The following CCPG1 variants were observed in gnomAD, a reference collection of about 807,000 sequenced individuals.
The protein encoded by CCPG1 is cell cycle progression 1, also known as cell cycle progression protein 1.
A neutral mutation model predicts 81.3 loss-of-function variants in CCPG1; 46 were observed. That is an observed-to-expected ratio of 0.57 (90% CI 0.45 to 0.72). CCPG1 has a LOEUF of 0.72. Ranked by LOEUF, CCPG1 falls within the 30% of genes least tolerant of loss-of-function variation. The pLI, the probability that CCPG1 is intolerant of heterozygous loss-of-function variation, is 0.00. For missense variants in CCPG1, 902 were observed against 937.6 expected, an observed-to-expected ratio of 0.96 and a Z score of 0.50; for synonymous variants, 330 against 305.2, an observed-to-expected ratio of 1.08 and a Z score of -0.85.
chr15:55,356,972 T>G (rs1418288839), intron 8 of CCPG1: 1 of 985,504 alleles, frequency 1.0e-6, no homozygotes, highest in Non-Finnish European at 1.2e-6. Context: ...CATGACACAT[T>G]TATTCCTTTT....
chr15:55,371,643 C>T (rs75324493), intron 6 of CCPG1, 150 bp downstream of exon 6: 40,117 of 693,932 alleles, frequency 0.058, 1,624 homozygotes, highest in East Asian at 0.17. Flanking sequence ...ACCCACTTCC[C>T]GAATGAGAAA....
Position 55,360,641 on chromosome 15 carries a change from C to CTGA in CCPG1, c.1131_1132insTCA (p.Thr377_Glu378insSer), listed in dbSNP as rs762171550. On this transcript the variant is annotated inframe_insertion, in exon 8 of 9. Coordinates refer to ENST00000442196, the MANE Select transcript of CCPG1 (RefSeq NM_001204450.2). ...AGTTCTCTCTTTAGCATCTTTGCTT[C>CTGA]TGTCAACAGAGTCTCCCTTTGACTA... The CTGA allele has an allele frequency of 1.6e-5, 26 of 1,614,064 alleles. No homozygotes were observed. The Admixed American group carries it at 4.3e-4, about 27-fold the overall frequency.
chr15:55,397,668 G>A (rs1020459581), intron 1 of CCPG1, among the ~76,000 whole-genome samples: 1 of 152,128 alleles, frequency 6.6e-6, no homozygotes, highest in African/African-American at 2.4e-5. Flanking sequence ...AAAAAGAGCA[G>A]GTTATGAGAA....
intron 1 of CCPG1, among the ~76,000 whole-genome samples, chr15:55,407,040 C>CACCCCT (rs757039695): frequency 7.5e-6 from 1 of 132,554 alleles, no homozygotes; most frequent in South Asian, 2.4e-4. Context: ...CGTTGAGACC[C>CACCCCT]CCCCCCCCGC....
At chr15:55,405,758 G>GAAAT (rs201489227) in intron 1 of CCPG1, among the ~76,000 whole-genome samples, 26,958 of 152,046 alleles carry the variant, frequency 0.18, 4,117 homozygotes, top group African/African-American at 0.42. Flanking sequence ...TATTTTCTTC[G>GAAAT]AGTCCAACTA....
rs73421619 is a variant in CCPG1, at chr15:55,355,762, T to C, written c.*458A>G. The C allele has an allele frequency of 2.4e-3, 547 of 229,494 alleles. 1 individual carries two copies. Among genetic ancestry groups the C allele is most frequent in the African/African-American group, 0.011 (499 of 43,920 alleles). 14.2% of individuals were successfully genotyped at this position (229,494 alleles called of 1,614,324 possible). ...AAATTCTTCACAAGTCAGAGGGCTCTTGAACCCACAAAAAGACAAGAAGTG... is the reference window on the plus strand; with the variant it reads ...AAATTCTTCACAAGTCAGAGGGCTCCTGAACCCACAAAAAGACAAGAAGTG... On this transcript the variant is annotated 3_prime_UTR_variant, in exon 9 of 9. Coordinates refer to ENST00000442196, the MANE Select transcript of CCPG1 (RefSeq NM_001204450.2).
intron 1 of CCPG1, among the ~76,000 whole-genome samples, chr15:55,399,151 G>A (rs2057077977): frequency 6.6e-6 from 1 of 152,078 alleles, no homozygotes; most frequent in South Asian, 2.1e-4. Context: ...AAAAGTGAGG[G>A]CAGAGTAGGG....
chr15:55,392,394 TAG>T (rs1448579049), intron 1 of CCPG1, among the ~76,000 whole-genome samples: 1 of 150,992 alleles, frequency 6.6e-6, no homozygotes, highest in African/African-American at 2.4e-5. Context: ...GTACTTTTAG[TAG>T]AGACGGGGTT....
chr15:55,376,810 C>T (rs2056575356), intron 5 of CCPG1, 139 bp downstream of exon 5: 2 of 640,034 alleles, frequency 3.1e-6, no homozygotes, highest in Non-Finnish European at 5.4e-6. Context: ...TAATAGATTT[C>T]ACACACAAAA....
rs1224528957 is a variant in CCPG1 at position 55,356,339 on chromosome 15, G to A, written c.2305C>T (p.Leu769Phe). Residue 769 changes from leucine (L) to phenylalanine (F), a missense_variant, in exon 9 of 9, where the codon CTT becomes TTT. Leu to Phe is a conservative substitution (Grantham distance 22). This residue lies in a region of CCPG1 where 128 missense variants were observed against 161.2 expected (regional missense o/e 0.79). Transcript: ENST00000442196. ...TCCCTTTTATAAGGCTGTGGCTGAA[G>A]GTGCTTCTGCTCTTGTTTTCGATGC... Reference protein sequence around the residue: ...SRHRKQEQKHLQPQPYKREGK... With the variant: ...SRHRKQEQKHFQPQPYKREGK... 38 of 1,535,520 alleles carry A rather than the reference G, an allele frequency of 2.5e-5. 1 individual carries two copies. Among genetic ancestry groups the A allele is most frequent in the Non-Finnish European group, 1.7e-6 (2 of 1,146,792 alleles).
At chr15:55,370,079 A>AT (rs2056416102) in intron 6 of CCPG1, among the ~76,000 whole-genome samples, 1 of 152,220 alleles carries the variant, frequency 6.6e-6, no homozygotes, top group Non-Finnish European at 1.5e-5. Context: ...TCTCAGTATT[A>AT]AATTCAAGCA....
chr15:55,406,446 TTTTG>T (rs2057224512), intron 1 of CCPG1, among the ~76,000 whole-genome samples: 4 of 128,936 alleles, frequency 3.1e-5, no homozygotes, highest in Admixed American at 7.4e-5. Context: ...CTTTTTTTTT[TTTTG>T]TTTTTTTTTT....
intron 6 of CCPG1, among the ~76,000 whole-genome samples, chr15:55,367,683 T>C (rs2056359863): frequency 6.6e-6 from 1 of 151,972 alleles, no homozygotes. Context: ...AGAACAAATT[T>C]GGGTAAAACC....
At chr15:55,367,580 A>G (rs1358730550) in intron 6 of CCPG1, among the ~76,000 whole-genome samples, 1 of 151,620 alleles carries the variant, frequency 6.6e-6, no homozygotes, top group African/African-American at 2.4e-5. Flanking sequence ...CAGAGCTTCT[A>G]GCCAACACAT....
In CCPG1 at chr15:55,382,746, T is replaced by A. The variant is rs541291582; in HGVS notation, c.175+2854A>T. Among the ~76,000 whole-genome samples, 167 of 152,240 alleles carry A rather than the reference T, an allele frequency of 1.1e-3. 1 individual carries two copies. Among genetic ancestry groups the A allele is most frequent in the African/African-American group, 3.8e-3 (158 of 41,556 alleles). On this transcript the variant is annotated intron_variant, in intron 3 of 8. Transcript: ENST00000442196. ...GGATGGTCTCGATCTCCTGACCTCA[T>A]GATCCGCCCACCTCAGCCTCCCAAA...
chr15:55,359,282 ATT>A, intron 8 of CCPG1: 8 of 1,157,852 alleles, frequency 6.9e-6, no homozygotes, highest in Non-Finnish European at 8.5e-6. Context: ...GATTTTATAT[ATT>A]CTTAACTGAT....
intron 5 of CCPG1, among the ~76,000 whole-genome samples, chr15:55,375,399 G>T (rs897963146): frequency 6.6e-6 from 1 of 152,028 alleles, no homozygotes; most frequent in Admixed American, 6.6e-5. Context: ...GAAAGGAAGC[G>T]GGGGTGGGGA....
intron 3 of CCPG1, among the ~76,000 whole-genome samples, chr15:55,383,965 G>A (rs912729792): frequency 2.0e-5 from 3 of 152,192 alleles, no homozygotes; most frequent in Non-Finnish European, 4.4e-5. Context: ...TTTCCTTCAA[G>A]AACTTTTCCT....
intron 3 of CCPG1, among the ~76,000 whole-genome samples, chr15:55,385,111 G>A (rs918558742): frequency 6.6e-6 from 1 of 152,092 alleles, no homozygotes; most frequent in African/African-American, 2.4e-5. Context: ...AAACCCCTGG[G>A]GCAGGCTGAT....
Sources: gnomAD v4.1 joint callset for allele counts (sites outside exome capture counted in the v4.1 genomes callset) on GRCh38, gnomAD v4.1.1 for gene constraint, gnomAD v4.1.1 regional missense constraint, MANE v1.5 for transcripts, NCBI Gene and HGNC (gene_info 2026-07-23, HGNC 2026-07-21) for gene names.